Variants in HECW2 observed in about 807,000 individuals in gnomAD.
The protein encoded by HECW2 is E3 ubiquitin-protein ligase HECW2.
In HECW2, 61 loss-of-function variants were observed where a neutral mutation model predicts 175.2. That is an observed-to-expected ratio of 0.35 (90% CI 0.28 to 0.43). The LOEUF (loss-of-function observed/expected upper bound fraction) is 0.43, where lower values mean the gene tolerates loss of function less well. HECW2 is among the 20% of genes least tolerant of loss of function. HECW2 has a pLI of 1.00. For missense variants in HECW2, 1,524 were observed against 2,000.5 expected, an observed-to-expected ratio of 0.76 and a Z score of 4.54; for synonymous variants, 671 against 731.0, an observed-to-expected ratio of 0.92 and a Z score of 1.32.
intron 1 of HECW2, among the ~76,000 whole-genome samples, chr2:196,470,006 T>A (rs528370189): frequency 1.3e-5 from 2 of 152,012 alleles, no homozygotes; most frequent in African/African-American, 2.4e-5. Context: ...TTTAAAAAAA[T>A]TTCCCATTCT....
intron 1 of HECW2, among the ~76,000 whole-genome samples, chr2:196,552,829 G>C (rs1213540449): frequency 6.6e-6 from 1 of 152,194 alleles, no homozygotes; most frequent in Admixed American, 6.5e-5. Context: ...CCTCTTCAGT[G>C]AATCAGGGAA....
chr2:196,571,448 C>T (rs987941222), intron 1 of HECW2, among the ~76,000 whole-genome samples: 3 of 152,170 alleles, frequency 2.0e-5, no homozygotes, highest in Non-Finnish European at 2.9e-5. Context: ...GTGGCTCACA[C>T]CTCTAATCCC....
intron 1 of HECW2, among the ~76,000 whole-genome samples, chr2:196,480,316 G>A (rs1273247237): frequency 1.3e-5 from 2 of 151,956 alleles, no homozygotes; most frequent in African/African-American, 2.4e-5. Context: ...ACTTCTCTTT[G>A]TGCTCATTTA....
intron 15 of HECW2, among the ~76,000 whole-genome samples, chr2:196,278,152 A>ATATATATATATATATATAT (rs1553489733): frequency 5.1e-4 from 61 of 119,968 alleles, no homozygotes; most frequent in East Asian, 1.3e-3. Context: ...ATATATATAT[A>ATATATATATATATATATAT]AAGAAATTCC....
chr2:196,347,529 T>C (rs911010234), intron 2 of HECW2, among the ~76,000 whole-genome samples: 1 of 152,170 alleles, frequency 6.6e-6, no homozygotes, highest in Non-Finnish European at 1.5e-5. Flanking sequence ...ATCTGTGACA[T>C]TTAAAGAAAT....
chr2:196,231,092 C>CAAAA (rs10653412), intron 21 of HECW2, among the ~76,000 whole-genome samples: 11,589 of 54,900 alleles, frequency 0.21, 2,237 homozygotes, highest in East Asian at 0.34. Flanking sequence ...GACTCCGTCT[C>CAAAA]AAAAAAAAAA....
chr2:196,593,539 C>G lies in HECW2; in HGVS notation c.-67G>C, dbSNP rs1437198595. ...CCGCGCCGGCGCCCTTCCCGCTAGA[C>G]GCTTCGGCGGCATCTGCCCGCACCG... is the stretch of plus-strand genomic sequence containing the variant. On this transcript the variant is annotated 5_prime_UTR_variant, in exon 1 of 29. Coordinates refer to ENST00000644978, the MANE Select transcript of HECW2 (RefSeq NM_001348768.2). 6.6e-6 allele frequency: 1 copy of G among 152,378 alleles called. No individual in the cohort carries two copies. The highest frequency in any genetic ancestry group is 1.5e-5 in the Non-Finnish European group (1 of 68,178). The allele number at this position is 152,378 out of a possible 1,614,324, so 9.4% of individuals were successfully genotyped here.
At chr2:196,416,813 A>C (rs1368031671) in intron 2 of HECW2, among the ~76,000 whole-genome samples, 1 of 152,248 alleles carries the variant, frequency 6.6e-6, no homozygotes, top group African/African-American at 2.4e-5. Flanking sequence ...GCCCATAAAC[A>C]CAAGCTAACT....
Position 196,318,963 on chromosome 2 carries a change from T to C in HECW2, c.1927A>G (p.Ser643Gly). Residue 643 changes from serine (S) to glycine (G), a missense_variant, in exon 9 of 29, where the codon AGC becomes GGC. Ser to Gly is a moderately conservative substitution (Grantham distance 56). Coordinates refer to ENST00000644978, the MANE Select transcript of HECW2 (RefSeq NM_001348768.2). ...EGESDLECAD[S>G]SCNESVTTQL... ...GTGGTCACACTCTCATTGCAGGAGC[T>C]GTCAGCGCATTCCAGGTCACTCTCT... The C allele has an allele frequency of 6.2e-7, 1 of 1,612,462 alleles. No homozygotes were observed. Among genetic ancestry groups the C allele is most frequent in the Non-Finnish European group, 8.5e-7 (1 of 1,179,136 alleles).
At chr2:196,560,993 A>T (rs1358187456) in intron 1 of HECW2, among the ~76,000 whole-genome samples, 1 of 152,222 alleles carries the variant, frequency 6.6e-6, no homozygotes, top group Non-Finnish European at 1.5e-5. Context: ...GGCACCTTGA[A>T]AAAAGAATAG....
intron 1 of HECW2, among the ~76,000 whole-genome samples, chr2:196,448,538 T>C (rs1696253771): frequency 6.6e-6 from 1 of 152,192 alleles, no homozygotes; most frequent in African/African-American, 2.4e-5. Flanking sequence ...ATCAACTGTT[T>C]ACAGGTTTTA....
intron 2 of HECW2, among the ~76,000 whole-genome samples, chr2:196,354,878 T>C (rs1164940418): frequency 6.6e-6 from 1 of 152,228 alleles, no homozygotes; most frequent in East Asian, 1.9e-4. Context: ...TTAAGAGGCT[T>C]ACCTAAGATC....
chr2:196,274,882 A>AT (rs1689883696), intron 15 of HECW2, among the ~76,000 whole-genome samples: 1 of 152,208 alleles, frequency 6.6e-6, no homozygotes, highest in South Asian at 2.1e-4. Flanking sequence ...CTGCTTTAGC[A>AT]TTTTCCCCCA....
intron 24 of HECW2, among the ~76,000 whole-genome samples, chr2:196,221,824 T>C (rs1687680430): frequency 6.6e-6 from 1 of 152,234 alleles, no homozygotes; most frequent in South Asian, 2.1e-4. Context: ...CCTCCCAAAG[T>C]GCTGGGATTA....
rs768587990 is a variant in HECW2, at chr2:196,319,784, T to C, written c.1106A>G (p.Asn369Ser). 18 of 1,614,066 alleles carry C rather than the reference T, an allele frequency of 1.1e-5. No individual in the cohort carries two copies. Among genetic ancestry groups the C allele is most frequent in the African/African-American group, 6.7e-5 (5 of 74,934 alleles). The change falls in exon 9 of 29, where the codon AAT becomes AGT. Residue 369 changes from asparagine (N) to serine (S), a missense_variant. By Grantham distance (46) the Asn-to-Ser change is conservative (BLOSUM62 1). Around this residue, in one of 11 missense-constraint regions of HECW2, gnomAD observed 604 missense variants for 588.3 expected, o/e 1.03. Transcript: ENST00000644978. ...GSHHDSQVCSNGPVSEDSAAD... is the reference protein window; with the variant it reads ...GSHHDSQVCSSGPVSEDSAAD... Reference sequence around the variant, plus strand: ...AGCACTGTCCTCAGAAACTGGCCCATTAGAGCACACCTGGCTGTCGTGATG... The same window carrying C: ...AGCACTGTCCTCAGAAACTGGCCCACTAGAGCACACCTGGCTGTCGTGATG...
intron 1 of HECW2, among the ~76,000 whole-genome samples, chr2:196,485,656 G>A (rs1412687584): frequency 6.6e-6 from 1 of 152,126 alleles, no homozygotes; most frequent in African/African-American, 2.4e-5. Flanking sequence ...CCAGACCATA[G>A]TAAACATCAA....
intron 13 of HECW2, among the ~76,000 whole-genome samples, chr2:196,301,131 G>A (rs1205512144): frequency 6.6e-6 from 1 of 152,010 alleles, no homozygotes; most frequent in Non-Finnish European, 1.5e-5. Flanking sequence ...TGTGGTGTTT[G>A]GTTTTCTGTT....
At chr2:196,590,262 C>T (rs1575705498) in intron 1 of HECW2, among the ~76,000 whole-genome samples, 1 of 152,152 alleles carries the variant, frequency 6.6e-6, no homozygotes, top group African/African-American at 2.4e-5. Flanking sequence ...CAGGGCATCT[C>T]GTCACCTTTC....
chr2:196,344,583 T>A (rs868772485), intron 2 of HECW2, among the ~76,000 whole-genome samples: 1 of 152,186 alleles, frequency 6.6e-6, no homozygotes, highest in African/African-American at 2.4e-5. Flanking sequence ...TCATATTCTA[T>A]AATTTGCTCA....
Sources: allele counts gnomAD v4.1 joint callset (sites outside exome capture counted in the v4.1 genomes callset), GRCh38; gene constraint gnomAD v4.1.1; regional missense constraint gnomAD v4.1.1; transcripts MANE v1.5; gene names NCBI Gene and HGNC (gene_info 2026-07-23, HGNC 2026-07-21).